Variants in SPATA1 observed in about 807,000 individuals in gnomAD.
SPATA1 encodes the protein spermatogenesis associated 1.
A neutral mutation model predicts 59.6 loss-of-function variants in SPATA1; 57 were observed. The ratio of observed to expected loss-of-function variants is 0.96; its 90% CI spans 0.77 to 1.19. The LOEUF (loss-of-function observed/expected upper bound fraction) is 1.19. Ranked by LOEUF, SPATA1 falls within the 50% of genes most tolerant of loss-of-function variation. SPATA1 has a pLI of 0.00. For synonymous variants in SPATA1, 147 were observed against 163.9 expected (o/e 0.90, Z 0.79); for missense variants, 448 against 480.7 (o/e 0.93, Z 0.64).
At chr1:84,559,271 T>G (rs1273440304), downstream of SPATA1, among the ~76,000 whole-genome samples, 1 of 152,208 alleles carries the variant, frequency 6.6e-6, no homozygotes, top group Non-Finnish European at 1.5e-5. Flanking sequence ...TCAGTGGTCT[T>G]TGATGCTACT....
intron 1 of SPATA1, among the ~76,000 whole-genome samples, chr1:84,511,655 CTTTTTTTTTTTTTTTCTTTCTTTCTTTTT>C (rs1217162625): frequency 8.6e-5 from 7 of 81,142 alleles, no homozygotes; most frequent in African/African-American, 3.2e-4. Context: ...GCATTTCAGG[CTTTTTTTTTTTTTTTCTTTCTTTCTTTTT>C]TTTTTTTTTT....
chr1:84,539,567 C>T (rs544476763), intron 8 of SPATA1, among the ~76,000 whole-genome samples: 23 of 152,230 alleles, frequency 1.5e-4, no homozygotes, highest in African/African-American at 5.5e-4. Context: ...TCCCTGGTTA[C>T]CCTTATATTT....
At chr1:84,534,277 C>G (rs1683589052) in intron 8 of SPATA1, among the ~76,000 whole-genome samples, 1 of 151,990 alleles carries the variant, frequency 6.6e-6, no homozygotes, top group African/African-American at 2.4e-5. Flanking sequence ...GATGGAAAGA[C>G]TAGGAGAATT....
intron 2 of SPATA1, among the ~76,000 whole-genome samples, chr1:84,517,538 C>G (rs1048920165): frequency 6.6e-6 from 1 of 152,008 alleles, no homozygotes; most frequent in African/African-American, 2.4e-5. Context: ...ATTTTTTTCC[C>G]TTCCCTAAAA....
intron 12 of SPATA1, chr1:84,552,949 A>T: frequency 1.2e-6 from 1 of 859,784 alleles, no homozygotes; most frequent in Non-Finnish European, 1.8e-6. Flanking sequence ...TAAAGCGGTT[A>T]CAAAAACCCT....
At chr1:84,566,092 T>G in exon 5 of SPATA1, 7 of 823,430 alleles carry the variant, frequency 8.5e-6, no homozygotes, top group Non-Finnish European at 1.2e-5. Context: ...TATATATATT[T>G]TTTACCTTAT....
chr1:84,540,097 CT>C (rs889487556), intron 8 of SPATA1, among the ~76,000 whole-genome samples: 15 of 152,040 alleles, frequency 9.9e-5, no homozygotes, highest in African/African-American at 3.1e-4. Flanking sequence ...TTTTATCTGC[CT>C]TTCTGAGTCA....
chr1:84,520,822 A>G (rs1438497708), intron 3 of SPATA1, 131 bp downstream of exon 3: 9 of 653,158 alleles, frequency 1.4e-5, no homozygotes, highest in Non-Finnish European at 2.4e-5. Flanking sequence ...CCATTTCCTG[A>G]CTTAATGAAT....
chr1:84,508,569 G>C (rs1024265689), intron 1 of SPATA1, among the ~76,000 whole-genome samples: 2 of 152,162 alleles, frequency 1.3e-5, no homozygotes, highest in Admixed American at 1.3e-4. Flanking sequence ...TGTTTTGTCA[G>C]CAGAGCACTG....
chr1:84,509,834 A>G (rs1558563592), intron 1 of SPATA1, among the ~76,000 whole-genome samples: 2 of 152,162 alleles, frequency 1.3e-5, no homozygotes, highest in African/African-American at 4.8e-5. Context: ...TTTTTGAATA[A>G]TGCCCTACAA....
At chr1:84,551,138 T>A in intron 12 of SPATA1, 1 of 985,208 alleles carries the variant, frequency 1.0e-6, no homozygotes, top group Non-Finnish European at 1.2e-6. Flanking sequence ...GAAGTACATA[T>A]GTATTAAAAA....
chr1:84,525,856 A>G (rs1316818952), exon 6 of SPATA1: 2 of 1,610,656 alleles, frequency 1.2e-6, no homozygotes, highest in Admixed American at 3.4e-5. Flanking sequence ...CTCTTCAACC[A>G]GAATTATATT....
At chr1:84,549,105 T>C (rs1684192140) in intron 11 of SPATA1, 141 bp downstream of exon 11, 3 of 789,040 alleles carry the variant, frequency 3.8e-6, no homozygotes, top group Non-Finnish European at 5.5e-6. Context: ...CATGACCTTA[T>C]GTAATAGGAG....
At chr1:84,511,229 T>C (rs1433130252) in intron 1 of SPATA1, among the ~76,000 whole-genome samples, 1 of 152,242 alleles carries the variant, frequency 6.6e-6, no homozygotes, top group East Asian at 1.9e-4. Flanking sequence ...TTTTCACACA[T>C]TGTATGCCTG....
In SPATA1 at chr1:84,545,627, T is replaced by C. The variant is rs1024107371; in HGVS notation, c.821-7T>C. 6.0e-6 allele frequency: 9 copies of C among 1,505,526 alleles called. No homozygotes were observed. The African/African-American group carries it at 1.3e-4, about 22-fold the overall frequency. 93.3% of individuals were successfully genotyped at this position (1,505,526 alleles called of 1,614,324 possible). On this transcript the variant is annotated splice_polypyrimidine_tract_variant and splice_region_variant and intron_variant, in intron 9 of 12. Transcript: ENST00000490879. ...ACATTGATGAATATGAGTTATAATC[T>C]CTTTAGGAGAGAAGATTATCAAACA...
chr1:84,519,055 G>T (rs1024244960), intron 2 of SPATA1, among the ~76,000 whole-genome samples: 7 of 151,844 alleles, frequency 4.6e-5, no homozygotes, highest in Non-Finnish European at 5.9e-5. Context: ...AGGCAAATGA[G>T]GTACTTGCCA....
exon 13 of SPATA1, chr1:84,553,958 A>T (rs1163214500): frequency 1.3e-5 from 2 of 152,178 alleles, no homozygotes; most frequent in Non-Finnish European, 2.9e-5. Context: ...TTAGAAAGAG[A>T]ACTAGTTGAG....
intron 7 of SPATA1, 67 bp from the exon 8 acceptor site, chr1:84,533,642 A>C (rs1683560009): frequency 1.6e-6 from 2 of 1,252,268 alleles, no homozygotes; most frequent in South Asian, 2.7e-5. Flanking sequence ...AAAATACATA[A>C]AATATGAAAA....
chr1:84,519,876 T>C (rs1397441631), intron 2 of SPATA1, among the ~76,000 whole-genome samples: 1 of 152,190 alleles, frequency 6.6e-6, no homozygotes, highest in Non-Finnish European at 1.5e-5. Context: ...TGACTTTTAA[T>C]ATGCAGGGAG....
Sources: gnomAD v4.1 joint callset for allele counts (sites outside exome capture counted in the v4.1 genomes callset) on GRCh38, gnomAD v4.1.1 for gene constraint, MANE v1.5 for transcripts, NCBI Gene and HGNC (gene_info 2026-07-23, HGNC 2026-07-21) for gene names.